Variants in GPAM observed in about 807,000 individuals in gnomAD.
GPAM encodes the protein glycerol-3-phosphate acyltransferase, mitochondrial.
In GPAM, 56 loss-of-function variants were observed where a neutral mutation model predicts 105.0. That is an observed-to-expected ratio of 0.53 (90% confidence interval 0.43 to 0.67). GPAM has a LOEUF of 0.67. Ranked by LOEUF, GPAM falls within the 30% of genes least tolerant of loss-of-function variation. The pLI, the probability that GPAM is intolerant of heterozygous loss-of-function variation, is 0.00. For missense variants in GPAM, 855 were observed against 989.8 expected (o/e 0.86, Z 1.83); for synonymous variants, 368 against 354.4 (o/e 1.04, Z -0.43).
At chr10:112,202,258 G>A (rs1847806898) in intron 1 of GPAM, among the ~76,000 whole-genome samples, 1 of 152,204 alleles carries the variant, frequency 6.6e-6, no homozygotes, top group South Asian at 2.1e-4. Context: ...TCGATGTGCT[G>A]TGTGCCAATA....
chr10:112,172,785 G>A (rs1280839210), intron 8 of GPAM, among the ~76,000 whole-genome samples, 185 bp downstream of exon 8: 2 of 152,148 alleles, frequency 1.3e-5, no homozygotes, highest in East Asian at 3.8e-4. Flanking sequence ...CATATTGCTA[G>A]TAAGTACTCC....
In GPAM at chr10:112,152,227, T is replaced by A; in HGVS notation, c.*1323A>T. On this transcript the variant is annotated 3_prime_UTR_variant, in exon 22 of 22. Coordinates refer to ENST00000348367, the MANE Select transcript of GPAM (RefSeq NM_001244949.2). ...ATCTTGGAGATAAGCAACAGTAAAC[T>A]GTTAGAAAACGTTTTAACATTACAT... 1 of 977,346 alleles carries A rather than the reference T, an allele frequency of 1.0e-6. No homozygotes were observed. Among genetic ancestry groups the A allele is most frequent in the Non-Finnish European group, 1.2e-6 (1 of 822,648 alleles). The allele number at this position is 977,346 out of a possible 1,614,324, so 60.5% of individuals were successfully genotyped here.
Position 112,150,391 on chromosome 10 carries a change from T to C in GPAM, c.*3159A>G, listed in dbSNP as rs187529556. The C allele has an allele frequency of 1.0e-6, 1 of 985,786 alleles. No individual in the cohort carries two copies. The highest frequency in any genetic ancestry group is 1.1e-4 in the East Asian group (1 of 8,818). 61.1% of individuals were successfully genotyped at this position (985,786 alleles called of 1,614,324 possible). ...GAAAAAGCCAGGATCATTGGGGCTG[T>C]TCTCTCTATCAAAGGAAAGAGCTCC... On this transcript the variant is annotated 3_prime_UTR_variant, in exon 22 of 22. Coordinates refer to ENST00000348367, the MANE Select transcript of GPAM (RefSeq NM_001244949.2).
At chr10:112,212,413 C>A (rs933308592) in intron 1 of GPAM, among the ~76,000 whole-genome samples, 1 of 152,144 alleles carries the variant, frequency 6.6e-6, no homozygotes, top group South Asian at 2.1e-4. Context: ...CAGGCACCCA[C>A]AACCTTGCCT....
chr10:112,203,737 C>T (rs1301221056), intron 1 of GPAM, among the ~76,000 whole-genome samples: 1 of 152,210 alleles, frequency 6.6e-6, no homozygotes, highest in Non-Finnish European at 1.5e-5. Flanking sequence ...ATTTAATTCT[C>T]ATAACTGTCC....
rs1489522990 is a variant in GPAM at position 112,168,876 on chromosome 10, G to T, written c.871C>A (p.Leu291Ile). 1 of 1,607,326 alleles carries T rather than the reference G, an allele frequency of 6.2e-7. No individual in the cohort carries two copies. The highest frequency in any genetic ancestry group is 1.1e-5 in the South Asian group (1 of 90,944). ...DETPDGRKDV[L>I]YRALLHGHIV... ...ACCCCATGGAGCAAAGCTCTATAGAGAACATCTTTCCGTCCATCTGGTGTT... is the reference window on the plus strand; with the variant it reads ...ACCCCATGGAGCAAAGCTCTATAGATAACATCTTTCCGTCCATCTGGTGTT... The change falls in exon 10 of 22, where the codon CTC (leucine) becomes ATC (isoleucine). Residue 291 changes from leucine (L) to isoleucine (I), a missense_variant. Transcript: ENST00000348367.
chr10:112,182,339 G>A (rs924655621), intron 2 of GPAM, among the ~76,000 whole-genome samples: 3 of 152,102 alleles, frequency 2.0e-5, no homozygotes, highest in Non-Finnish European at 4.4e-5. Context: ...ATTTTCTTGT[G>A]ATGTCCTAAA....
chr10:112,173,173 C>T, intron 7 of GPAM, 107 bp from the exon 8 acceptor site: 1 of 733,074 alleles, frequency 1.4e-6, no homozygotes, highest in Non-Finnish European at 2.5e-6. Flanking sequence ...GGACCTACAA[C>T]CTCAAAGTAC....
intron 1 of GPAM, among the ~76,000 whole-genome samples, chr10:112,202,188 G>A (rs1330650872): frequency 1.3e-5 from 2 of 152,110 alleles, no homozygotes; most frequent in East Asian, 1.9e-4. Context: ...ATATGGTCCT[G>A]GTCACAACTA....
At chr10:112,165,394 C>T (rs1166297223) in intron 12 of GPAM, among the ~76,000 whole-genome samples, 1 of 152,108 alleles carries the variant, frequency 6.6e-6, no homozygotes, top group Admixed American at 6.6e-5. Flanking sequence ...TCAAATTCAC[C>T]CAGCTTTGGC....
chr10:112,189,900 T>A (rs1013837032), intron 1 of GPAM, among the ~76,000 whole-genome samples: 1 of 152,156 alleles, frequency 6.6e-6, no homozygotes, highest in South Asian at 2.1e-4. Flanking sequence ...CATTCCTGAT[T>A]GTCACTATGT....
chr10:112,168,214 C>CA, intron 11 of GPAM, 98 bp downstream of exon 11: 2 of 759,330 alleles, frequency 2.6e-6, no homozygotes, highest in Non-Finnish European at 4.7e-6. Context: ...ATAGGGAGTA[C>CA]CAAAAAAAAT....
At chr10:112,178,171 C>A in intron 4 of GPAM, 114 bp from the exon 5 acceptor site, 2 of 654,866 alleles carry the variant, frequency 3.1e-6, no homozygotes, top group Non-Finnish European at 5.6e-6. Flanking sequence ...GATATTGCCT[C>A]AAAAATCTTA....
upstream of GPAM, among the ~76,000 whole-genome samples, chr10:112,185,504 C>G (rs1330957010): frequency 6.8e-6 from 1 of 146,174 alleles, no homozygotes; most frequent in South Asian, 2.2e-4. Context: ...AAAAAAGACA[C>G]AAACCAAACA....
the GPAM span, among the ~76,000 whole-genome samples, chr10:112,226,653 G>A: frequency 6.6e-6 from 1 of 152,206 alleles, no homozygotes; most frequent in Admixed American, 6.5e-5. Flanking sequence ...TGATCAAACA[G>A]AGAAACAGGT....
At chr10:112,158,519 A>G in intron 17 of GPAM, 126 bp from the exon 18 acceptor site, 1 of 697,410 alleles carries the variant, frequency 1.4e-6, no homozygotes. Context: ...CCCACTGAGC[A>G]AGTCCTGTGA....
chr10:112,158,543 C>T lies in GPAM; in HGVS notation c.1903-150G>A, dbSNP rs1446993754. 7.4e-6 allele frequency: 5 copies of T among 676,868 alleles called. No homozygotes were observed. In the East Asian group the frequency reaches 8.1e-5, roughly 11 times the overall value. 41.9% of individuals were successfully genotyped at this position (676,868 alleles called of 1,614,324 possible). On this transcript the variant is annotated intron_variant, in intron 17 of 21. Transcript: ENST00000348367. ...CAAGTCCTGTGATTCCCAGTGCCCA[C>T]TGTCTTGATACACACACGGTCATGG...
Position 112,181,720 on chromosome 10 carries a change from T to A in GPAM, c.65A>T (p.Tyr22Phe). ...TGTGTGCTTACATCGACCAACACTGTATTCTGATGAATGTGGCAGATAAGA... is the reference window on the plus strand; with the variant it reads ...TGTGTGCTTACATCGACCAACACTGAATTCTGATGAATGTGGCAGATAAGA... The part of the protein sequence containing the change: ...DVSYLPHSSE[Y>F]SVGRCKHTSE... Residue 22 changes from tyrosine (Y) to phenylalanine (F), a missense_variant, in exon 3 of 22, where the codon TAC (tyrosine) becomes TTC (phenylalanine). By Grantham distance (22) the Tyr-to-Phe change is conservative. Transcript: ENST00000348367. 1 of 1,609,784 alleles carries A rather than the reference T, an allele frequency of 6.2e-7. No homozygotes were observed. The highest frequency in any genetic ancestry group is 1.7e-5 in the Admixed American group (1 of 60,020).
intron 1 of GPAM, among the ~76,000 whole-genome samples, chr10:112,213,831 C>T (rs994885275): frequency 2.0e-5 from 3 of 151,944 alleles, no homozygotes; most frequent in Non-Finnish European, 2.9e-5. Context: ...AGAAAAGAGG[C>T]CCAAGAGGCA....
Sources: gnomAD v4.1 joint callset for allele counts (sites outside exome capture counted in the v4.1 genomes callset) on GRCh38, gnomAD v4.1.1 for gene constraint, MANE v1.5 for transcripts, NCBI Gene and HGNC (gene_info 2026-07-23, HGNC 2026-07-21) for gene names.